The following IBTK variants were observed in gnomAD, a reference collection of about 807,000 sequenced individuals.
IBTK encodes BTK-binding protein.
In IBTK, 83 loss-of-function variants were observed where a neutral mutation model predicts 154.9. The observed-to-expected ratio is 0.54, with a 90% CI of 0.45 to 0.64. IBTK has a LOEUF of 0.64. Among genes scored for constraint, IBTK ranks in the 30% least tolerant of loss-of-function variants. The pLI is 0.00. For synonymous variants in IBTK, 515 were observed against 536.1 expected (o/e 0.96, Z 0.54); for missense variants, 1,332 against 1,584.6 (o/e 0.84, Z 2.71).
intron 1 of IBTK, among the ~76,000 whole-genome samples, chr6:82,244,006 TAG>T (rs1486016597): frequency 2.6e-5 from 4 of 152,202 alleles, no homozygotes; most frequent in Admixed American, 6.5e-5. Flanking sequence ...TAGGATTTCT[TAG>T]AGTTTTACAT....
chr6:82,244,779 C>A (rs539326521), intron 1 of IBTK, among the ~76,000 whole-genome samples: 1 of 152,048 alleles, frequency 6.6e-6, no homozygotes, highest in Non-Finnish European at 1.5e-5. Flanking sequence ...CTAATACATA[C>A]GGAATGCTTT....
Position 82,217,985 on chromosome 6 carries a change from C to A in IBTK, c.1401G>T (p.Glu467Asp), listed in dbSNP as rs1421099608. Residue 467 changes from glutamate to aspartate, a missense_variant, in exon 10 of 29, where the codon GAG (glutamate) becomes GAT (aspartate). Transcript: ENST00000306270. ...CTTTCTTTTCAGAACTCTTTCTTTT[C>A]TCTTCAAACCATCTCCCTCTAAATC... ...GEGFRGRWFE[E>D]KRKSSEKKEI... The A allele has an allele frequency of 6.2e-7, 1 of 1,600,426 alleles. No individual in the cohort carries two copies. The highest frequency in any genetic ancestry group is 1.4e-5 in the African/African-American group (1 of 74,036).
At chr6:82,225,349 T>C in intron 6 of IBTK, 128 bp downstream of exon 6, 1 of 587,042 alleles carries the variant, frequency 1.7e-6, no homozygotes, top group Non-Finnish European at 2.9e-6. Context: ...AAAGACAGTA[T>C]ATACCACTGA....
At chr6:82,197,531 G>A (rs1023315043) in intron 21 of IBTK, among the ~76,000 whole-genome samples, 1 of 151,892 alleles carries the variant, frequency 6.6e-6, no homozygotes, top group African/African-American at 2.4e-5. Flanking sequence ...CACCATGCCC[G>A]GCTAATTTTT....
At chr6:82,210,264 T>C (rs1769581194) in intron 16 of IBTK, 1 of 151,656 alleles carries the variant, frequency 6.6e-6, no homozygotes. Context: ...TTCATTCATC[T>C]CCATCATAGA....
intron 19 of IBTK, 132 bp downstream of exon 19, chr6:82,201,289 CT>C: frequency 2.1e-6 from 1 of 487,262 alleles, no homozygotes; most frequent in Non-Finnish European, 3.6e-6. Flanking sequence ...TAAAGGAATC[CT>C]ATATCATCAG....
At chr6:82,244,446 G>A (rs1771068616) in intron 1 of IBTK, among the ~76,000 whole-genome samples, 1 of 152,172 alleles carries the variant, frequency 6.6e-6, no homozygotes, top group Non-Finnish European at 1.5e-5. Context: ...AGGAAGGGCA[G>A]GAAGTCGCAG....
chr6:82,224,221 T>A (rs1483725518), intron 6 of IBTK, 36 bp from the exon 7 acceptor site: 1 of 1,399,150 alleles, frequency 7.1e-7, no homozygotes, highest in Non-Finnish European at 1.0e-6. Flanking sequence ...ATTTACTATA[T>A]ATTTATGACC....
intron 13 of IBTK, 141 bp downstream of exon 13, chr6:82,212,566 T>C: frequency 1.6e-6 from 1 of 642,668 alleles, no homozygotes; most frequent in Non-Finnish European, 2.8e-6. Flanking sequence ...CCCCAACATT[T>C]CCAGAAATGC....
At chr6:82,246,333 T>C (rs894153294) in intron 1 of IBTK, among the ~76,000 whole-genome samples, 18 of 151,666 alleles carry the variant, frequency 1.2e-4, no homozygotes, top group African/African-American at 4.4e-4. Context: ...GCCTGGCTGA[T>C]TTTTTTGTAT....
At chr6:82,237,996 C>T (rs532691900) in intron 2 of IBTK, among the ~76,000 whole-genome samples, 1 of 152,096 alleles carries the variant, frequency 6.6e-6, no homozygotes, top group African/African-American at 2.4e-5. Context: ...GTAATCCCTG[C>T]ACTTTGGGAG....
At chr6:82,186,254 G>A (rs1021091541) in intron 25 of IBTK, among the ~76,000 whole-genome samples, 1 of 152,014 alleles carries the variant, frequency 6.6e-6, no homozygotes, top group African/African-American at 2.4e-5. Context: ...CCCTACAGTG[G>A]CCTCTAAGTG....
chr6:82,180,058 C>A (rs1460925096), intron 26 of IBTK, among the ~76,000 whole-genome samples: 2 of 2,174 alleles, frequency 9.2e-4, no homozygotes, highest in Non-Finnish European at 1.9e-3. Context: ...TTCACCACTG[C>A]AACTCTAGTA....
chr6:82,241,394 T>C (rs1462888127), intron 1 of IBTK, among the ~76,000 whole-genome samples: 2 of 152,218 alleles, frequency 1.3e-5, no homozygotes, highest in Non-Finnish European at 2.9e-5. Flanking sequence ...ACTCCGTTTT[T>C]ACTAAGTACC....
intron 21 of IBTK, among the ~76,000 whole-genome samples, chr6:82,197,388 T>TTTTTTTTTTGG (rs397774527): frequency 6.6e-6 from 1 of 151,462 alleles, no homozygotes; most frequent in East Asian, 1.9e-4. Flanking sequence ...TTTTTTTTTT[T>TTTTTTTTTTGG]GAGACAGAGT....
chr6:82,196,206 T>C, intron 22 of IBTK, 92 bp downstream of exon 22: 2 of 1,111,388 alleles, frequency 1.8e-6, no homozygotes, highest in Non-Finnish European at 2.5e-6. Context: ...GAAACTGTTT[T>C]AAAATTAGGG....
rs1435115876 is a variant in IBTK, at chr6:82,194,440, T to C, written c.3338+39A>G. ...AATTGCATTAAAAATGAATGACATT[T>C]CTCAAACTAACAGTTATAGAATAAA... On this transcript the variant is annotated intron_variant, in intron 23 of 28. Coordinates refer to ENST00000306270, the MANE Select transcript of IBTK (RefSeq NM_015525.4). The C allele has an allele frequency of 1.2e-5, 15 of 1,285,334 alleles. No homozygotes were observed. In the Admixed American group the frequency reaches 3.9e-4, roughly 33 times the overall value. The allele number at this position is 1,285,334 out of a possible 1,614,324, so 79.6% of individuals were successfully genotyped here.
chr6:82,237,693 TAGC>T (rs1554188048), intron 2 of IBTK, among the ~76,000 whole-genome samples: 1 of 149,780 alleles, frequency 6.7e-6, no homozygotes, highest in Admixed American at 6.7e-5. Context: ...GTAGTAGTAG[TAGC>T]AGTAATAGTA....
chr6:82,211,699 A>G (rs1169404806), intron 13 of IBTK, 127 bp from the exon 14 acceptor site: 9 of 694,508 alleles, frequency 1.3e-5, no homozygotes, highest in Non-Finnish European at 2.0e-5. Context: ...TTGCAGGAAT[A>G]CATACAATAA....
Sources: allele counts gnomAD v4.1 joint callset (sites outside exome capture counted in the v4.1 genomes callset), GRCh38; gene constraint gnomAD v4.1.1; transcripts MANE v1.5; gene names NCBI Gene and HGNC (gene_info 2026-07-23, HGNC 2026-07-21).